The following ZFR variants were observed in gnomAD, a reference collection of about 807,000 sequenced individuals.
ZFR encodes zinc finger RNA-binding protein.
ZFR carries 19 observed loss-of-function variants against 130.7 expected under a neutral mutation model. The observed-to-expected ratio is 0.15, with a 90% CI of 0.10 to 0.21. ZFR has a LOEUF of 0.21. ZFR is among the 10% of genes least tolerant of loss of function. The pLI is 1.00. For synonymous variants in ZFR, 466 were observed against 456.9 expected (o/e 1.02, Z -0.25); for missense variants, 872 against 1,321.5 (o/e 0.66, Z 5.27).
chr5:32,392,940 A>G (rs933592648), intron 11 of ZFR, among the ~76,000 whole-genome samples: 2 of 152,196 alleles, frequency 1.3e-5, no homozygotes, highest in Non-Finnish European at 2.9e-5. Flanking sequence ...GAGTGCAGTG[A>G]GCCAAGATCG....
chr5:32,444,720 C>T lies in ZFR; in HGVS notation c.-62G>A. 2.7e-6 allele frequency: 4 copies of T among 1,495,432 alleles called. No homozygotes were observed. The South Asian group carries it at 3.8e-5, about 14-fold the overall frequency. The allele number at this position is 1,495,432 out of a possible 1,614,324, so 92.6% of individuals were successfully genotyped here. A position where few individuals can be genotyped will look rare whatever the true frequency, so the allele number is the denominator to read the frequency against. On this transcript the variant is annotated 5_prime_UTR_variant, in exon 1 of 20. Coordinates refer to ENST00000265069, the MANE Select transcript of ZFR (RefSeq NM_016107.5). ...CCCGCTGCCTCCCTCCTCTGCCCCG[C>T]TCCTCCTCAGCGGAGAACAGACCGC...
At chr5:32,422,308 G>A (rs1357357559) in intron 2 of ZFR, among the ~76,000 whole-genome samples, 1 of 151,984 alleles carries the variant, frequency 6.6e-6, no homozygotes, top group Non-Finnish European at 1.5e-5. Context: ...ATTACTTTTA[G>A]TACTTTTCAC....
At chr5:32,399,613 G>C (rs1470105789) in intron 9 of ZFR, among the ~76,000 whole-genome samples, 1 of 152,064 alleles carries the variant, frequency 6.6e-6, no homozygotes, top group Admixed American at 6.6e-5. Context: ...TGTTAAATCA[G>C]CAAACTTAAT....
At chr5:32,407,246 A>T (rs1263264987) in intron 5 of ZFR, among the ~76,000 whole-genome samples, 3 of 151,952 alleles carry the variant, frequency 2.0e-5, no homozygotes, top group Non-Finnish European at 2.9e-5. Flanking sequence ...GTATAAAGAC[A>T]GTGTAAAATT....
rs142034765 is a variant in ZFR, at chr5:32,415,005, T to C, written c.748A>G (p.Ser250Gly). Reference sequence around the variant, plus strand: ...ACTGCTGTGGTACTGTAAGTAGCACTCTGAGTATAGGATGGCACCACAGTA... The same window carrying C: ...ACTGCTGTGGTACTGTAAGTAGCACCCTGAGTATAGGATGGCACCACAGTA... ...AATVVPSYTQSATYSTTAVTY... is the reference protein window; with the variant it reads ...AATVVPSYTQGATYSTTAVTY... The change falls in exon 5 of 20, where the codon AGT (serine) becomes GGT (glycine). Residue 250 changes from serine to glycine, a missense_variant. Coordinates refer to ENST00000265069, the MANE Select transcript of ZFR (RefSeq NM_016107.5). 65 of 1,613,898 alleles carry C rather than the reference T, an allele frequency of 4.0e-5. No individual in the cohort carries two copies. The highest frequency in any genetic ancestry group is 5.5e-5 in the Non-Finnish European group (65 of 1,179,966).
Position 32,396,839 on chromosome 5 carries a change from T to C in ZFR, c.1833+380A>G, listed in dbSNP as rs146866572. ...CCTACGCTAAGATAAGTGAAGGGAT[T>C]TTCCAACATATCAACTCATCTCAAA... On this transcript the variant is annotated intron_variant, in intron 10 of 19. Coordinates refer to ENST00000265069, the MANE Select transcript of ZFR (RefSeq NM_016107.5). 2.9e-3 allele frequency among the ~76,000 whole-genome samples: 445 copies of C among 152,290 alleles called. 2 individuals are homozygous for C. Among genetic ancestry groups the C allele is most frequent in the Middle Eastern group, 0.01 (3 of 294 alleles).
At chr5:32,413,994 T>C (rs1388989056) in intron 5 of ZFR, among the ~76,000 whole-genome samples, 3 of 152,154 alleles carry the variant, frequency 2.0e-5, no homozygotes, top group Non-Finnish European at 4.4e-5. Context: ...CATTTCCACC[T>C]GGTTGTCCGG....
At position 32,395,262 on chromosome 5, in the gene ZFR, T is replaced by C. The variant is rs1045914360; in HGVS notation, c.1876A>G (p.Ile626Val). The change falls in exon 11 of 20, where the codon ATT becomes GTT. Residue 626 changes from isoleucine to valine, a missense_variant. Transcript: ENST00000265069. ...PDLQVEVKPSIRARKIQEEKM... is the reference protein window; with the variant it reads ...PDLQVEVKPSVRARKIQEEKM... Reference sequence around the variant, plus strand: ...TCTTCTTGAATCTTTCTTGCTCGAATACTAGGCTTTACTTCTACTTGCAAA... The same window carrying C: ...TCTTCTTGAATCTTTCTTGCTCGAACACTAGGCTTTACTTCTACTTGCAAA... 6.2e-7 allele frequency: 1 copy of C among 1,605,108 alleles called. No individual in the cohort carries two copies. The highest frequency in any genetic ancestry group is 8.5e-7 in the Non-Finnish European group (1 of 1,176,470).
chr5:32,383,325 C>T (rs1321350469), intron 15 of ZFR, among the ~76,000 whole-genome samples: 2 of 152,262 alleles, frequency 1.3e-5, no homozygotes, highest in East Asian at 3.9e-4. Flanking sequence ...AGGATCAATC[C>T]CCTCTGCTAG....
chr5:32,386,519 G>A (rs553142015), intron 14 of ZFR, among the ~76,000 whole-genome samples: 3 of 152,006 alleles, frequency 2.0e-5, no homozygotes, highest in South Asian at 4.2e-4. Flanking sequence ...GATGTTTCTC[G>A]CAAATTCTAT....
chr5:32,415,274 G>C, intron 4 of ZFR, 87 bp from the exon 5 acceptor site: 2 of 1,171,906 alleles, frequency 1.7e-6, no homozygotes, highest in Non-Finnish European at 2.4e-6. Context: ...GGAAAGAATA[G>C]GTACAAACAT....
Position 32,417,651 on chromosome 5 carries a change from T to C in ZFR, c.562A>G (p.Thr188Ala), listed in dbSNP as rs1339890833. ...QPSVAETYYQTAPKAGYSQGA... is the reference protein window; with the variant it reads ...QPSVAETYYQAAPKAGYSQGA... ...TCTGTAGGTTAAGAAAACCCACCTG[T>C]CTGATAGTAAGTTTCAGCAACAGAA... The change falls in exon 4 of 20, where the codon ACA becomes GCA. Residue 188 changes from threonine (T) to alanine (A), a missense_variant. Thr to Ala is a moderately conservative substitution (Grantham distance 58). Around this residue, in one of 7 missense-constraint regions of ZFR, gnomAD observed 240 missense variants for 441.2 expected, o/e 0.54. Transcript: ENST00000265069. The C allele has an allele frequency of 1.2e-6, 2 of 1,613,000 alleles. No homozygotes were observed. The highest frequency in any genetic ancestry group is 2.2e-5 in the East Asian group (1 of 44,888).
chr5:32,355,428 T>TA lies in ZFR; in HGVS notation c.*331dup, dbSNP rs1752282455. On this transcript the variant is annotated 3_prime_UTR_variant, in exon 20 of 20. Transcript: ENST00000265069. ...ACTGAAGCACACATCCTGCATTAAA[T>TA]ACAGTGAAGATTTAATAAGACAATG... The TA allele has an allele frequency of 1.2e-5, 2 of 170,852 alleles. No individual in the cohort carries two copies. The highest frequency in any genetic ancestry group is 2.5e-5 in the Non-Finnish European group (2 of 80,944). 10.6% of individuals were successfully genotyped at this position (170,852 alleles called of 1,614,324 possible). A position where few individuals can be genotyped will look rare whatever the true frequency, so the allele number is the denominator to read the frequency against.
At chr5:32,392,412 A>G (rs1482649148) in intron 11 of ZFR, among the ~76,000 whole-genome samples, 1 of 152,246 alleles carries the variant, frequency 6.6e-6, no homozygotes, top group Non-Finnish European at 1.5e-5. Context: ...AATTAAAACC[A>G]ACACATACAT....
At chr5:32,382,060 G>C (rs1222999324) in intron 15 of ZFR, among the ~76,000 whole-genome samples, 1 of 152,186 alleles carries the variant, frequency 6.6e-6, no homozygotes, top group Non-Finnish European at 1.5e-5. Flanking sequence ...CTAGCACTTT[G>C]GGAGGCTGAG....
intron 17 of ZFR, among the ~76,000 whole-genome samples, chr5:32,375,610 G>C (rs573805218): frequency 6.6e-6 from 1 of 151,772 alleles, no homozygotes; most frequent in East Asian, 2.0e-4. Context: ...GGGCTCAATA[G>C]ATCTTCCCAC....
chr5:32,416,156 T>C (rs1055643509), intron 4 of ZFR, among the ~76,000 whole-genome samples: 1 of 152,164 alleles, frequency 6.6e-6, no homozygotes, highest in Non-Finnish European at 1.5e-5. Flanking sequence ...TTTACAGAGA[T>C]GAGACTAATA....
chr5:32,441,077 G>A (rs1561933467), intron 2 of ZFR, among the ~76,000 whole-genome samples: 1 of 152,118 alleles, frequency 6.6e-6, no homozygotes, highest in East Asian at 1.9e-4. Flanking sequence ...CGGTTCAAGC[G>A]ATTCTCCTGC....
At chr5:32,441,111 T>C (rs1754463417) in intron 2 of ZFR, among the ~76,000 whole-genome samples, 1 of 152,136 alleles carries the variant, frequency 6.6e-6, no homozygotes, top group Non-Finnish European at 1.5e-5. Flanking sequence ...GTAGCTGGGA[T>C]TACAGGTGCC....
Sources: gnomAD v4.1 joint callset for allele counts (sites outside exome capture counted in the v4.1 genomes callset) on GRCh38, gnomAD v4.1.1 for gene constraint, gnomAD v4.1.1 regional missense constraint, MANE v1.5 for transcripts, NCBI Gene and HGNC (gene_info 2026-07-23, HGNC 2026-07-21) for gene names.